The following TM9SF1 variants were observed in gnomAD, a reference collection of about 807,000 sequenced individuals.
The protein encoded by TM9SF1 is MP70 protein family member.
In TM9SF1, 25 loss-of-function variants were observed where a neutral mutation model predicts 52.4. The observed-to-expected ratio is 0.48, with a 90% confidence interval of 0.35 to 0.67. The LOEUF is 0.67. TM9SF1 is among the 30% of genes least tolerant of loss of function. The pLI is 0.01. For missense variants in TM9SF1, 604 were observed against 780.3 expected (o/e 0.77, Z 2.69); for synonymous variants, 284 against 299.8 (o/e 0.95, Z 0.55).
At chr14:24,190,687 A>G in intron 4 of TM9SF1, 34 bp from the exon 5 acceptor site, 1 of 1,570,020 alleles carries the variant, frequency 6.4e-7, no homozygotes. Flanking sequence ...GAGGGTCAAC[A>G]CTAGGAGCTA....
chr14:24,190,119 C>T, intron 5 of TM9SF1: 1 of 1,364,334 alleles, frequency 7.3e-7, no homozygotes, highest in Non-Finnish European at 9.4e-7. Context: ...GGCTTTAAAC[C>T]CCACATGATG....
intron 4 of TM9SF1, among the ~76,000 whole-genome samples, chr14:24,191,344 C>A (rs1356731220): frequency 6.6e-6 from 1 of 152,172 alleles, no homozygotes; most frequent in Non-Finnish European, 1.5e-5. Flanking sequence ...TTTCAGAAAG[C>A]CTTGGTTCAA....
Position 24,195,001 on chromosome 14 carries a change from G to T in TM9SF1, c.19C>A (p.Pro7Thr), listed in dbSNP as rs773817309. The change falls in exon 2 of 6, where the codon CCT becomes ACT. Residue 7 changes from proline to threonine, a missense_variant. Transcript: ENST00000261789. ...AACCACTGGCAGCTCCAACTTCGAG[G>T]GTTCCCTACGACTGTCATCCTTAAG... MTVVGN[P>T]RSWSCQWLPI... is the part of the protein sequence containing the mutation. 5 of 1,613,918 alleles carry T rather than the reference G, an allele frequency of 3.1e-6. No individual in the cohort carries two copies. The East Asian group carries it at 6.7e-5, about 22-fold the overall frequency.
In TM9SF1 at chr14:24,192,545, G is replaced by GC. The variant is rs2039337731; in HGVS notation, c.967+102dup. 2.1e-6 allele frequency: 3 copies of GC among 1,448,944 alleles called. No individual in the cohort carries two copies. Among genetic ancestry groups the GC allele is most frequent in the East Asian group, 2.3e-5 (1 of 43,792 alleles). The allele number at this position is 1,448,944 out of a possible 1,614,324, so 89.8% of individuals were successfully genotyped here. A position where few individuals can be genotyped will look rare whatever the true frequency, so the allele number is the denominator to read the frequency against. On this transcript the variant is annotated intron_variant, in intron 3 of 5. Coordinates refer to ENST00000261789, the MANE Select transcript of TM9SF1 (RefSeq NM_006405.7). The surrounding 1 kb of genome is among the most constrained non-coding windows in gnomAD (Gnocchi z 4.0). The stretch of plus-strand genomic sequence containing the variant: ...TAGAGCCACCCTATCCCTTAGGTCT[G>GC]CCCCTCTGGATAGAAGAGAAGATCC...
chr14:24,191,728 GT>G (rs1022582264), intron 4 of TM9SF1: 8 of 158,898 alleles, frequency 5.0e-5, no homozygotes, highest in South Asian at 5.0e-4. Flanking sequence ...ATGCATTCTT[GT>G]TTTTTTTTGG....
chr14:24,194,070 G>T (rs1338636359), intron 2 of TM9SF1, among the ~76,000 whole-genome samples: 1 of 152,178 alleles, frequency 6.6e-6, no homozygotes, highest in African/African-American at 2.4e-5. Flanking sequence ...TACCCCCCCA[G>T]CTGTAACAAC....
At position 24,189,783 on chromosome 14, in the gene TM9SF1, T is replaced by G; in HGVS notation, c.1453A>C (p.Ile485Leu). ...TCCCGACCCCATACTGTGGCAAAGA[T>G]GTAGTACAGCTCCACAGAGATGGCA... is the stretch of plus-strand genomic sequence containing the variant. ...FSAISVELYYIFATVWGREQY... is the reference protein window; with the variant it reads ...FSAISVELYYLFATVWGREQY... The change falls in exon 6 of 6, where the codon ATC (isoleucine) becomes CTC (leucine). Residue 485 changes from isoleucine to leucine, a missense_variant. Ile to Leu is a conservative substitution (Grantham distance 5, BLOSUM62 2). Transcript: ENST00000261789. 1 of 1,612,660 alleles carries G rather than the reference T, an allele frequency of 6.2e-7. No individual in the cohort carries two copies. The highest frequency in any genetic ancestry group is 2.2e-5 in the East Asian group (1 of 44,852).
Position 24,192,306 on chromosome 14 carries a change from C to T in TM9SF1, c.1018G>A (p.Ala340Thr). The T allele has an allele frequency of 6.2e-7, 1 of 1,614,120 alleles. No homozygotes were observed. The highest frequency in any genetic ancestry group is 8.5e-7 in the Non-Finnish European group (1 of 1,180,036). Residue 340 changes from alanine to threonine, a missense_variant, in exon 4 of 6, where the codon GCC becomes ACC. Physicochemically the swap from Ala to Thr is moderately conservative, Grantham distance 58. Around this residue, in one of 3 missense-constraint regions of TM9SF1, gnomAD observed 450 missense variants for 560.1 expected, o/e 0.80. Coordinates refer to ENST00000261789, the MANE Select transcript of TM9SF1 (RefSeq NM_006405.7). This position sits in a 1 kb window ranked among gnomAD's most constrained non-coding sequence, Gnocchi z 4.0. ...AACAAGATGGCTGCTGAGTTAATGG[C>T]CCCATGACGGTGCACATTGAACATG... is the stretch of plus-strand genomic sequence containing the variant. The part of the protein sequence containing the change: ...LGMFNVHRHG[A>T]INSAAILLYA...
rs2039342012 is a variant in TM9SF1 at position 24,192,791 on chromosome 14, G to A, written c.824C>T (p.Thr275Ile). 1 of 1,614,074 alleles carries A rather than the reference G, an allele frequency of 6.2e-7. No individual in the cohort carries two copies. Among genetic ancestry groups the A allele is most frequent in the African/African-American group, 1.3e-5 (1 of 75,014 alleles). The change falls in exon 3 of 6, where the codon ACC (threonine) becomes ATC (isoleucine). Residue 275 changes from threonine to isoleucine, a missense_variant. Thr to Ile is a moderately conservative substitution (Grantham distance 89). This residue lies in a region of TM9SF1 where 450 missense variants were observed against 560.1 expected (regional missense o/e 0.80). Transcript: ENST00000261789. This position sits in a 1 kb window ranked among gnomAD's most constrained non-coding sequence, Gnocchi z 4.0. Reference protein sequence around the residue: ...LARYNLDEETTSAGSGDDFDQ... With the variant: ...LARYNLDEETISAGSGDDFDQ... ...AAAGTCATCACCAGAACCTGCAGAG[G>A]TGGTCTCCTCATCTAAGTTGTACCG...
rs901658601 is a variant in TM9SF1 at position 24,190,206 on chromosome 14, T to G, written c.1427+174A>C. On this transcript the variant is annotated intron_variant, in intron 5 of 5. Transcript: ENST00000261789. ...GGAGAGCTTTATAAGTGAGACACTC[T>G]CATATCATTCAAGCTCAGTCCTGCT... 3 of 1,351,856 alleles carry G rather than the reference T, an allele frequency of 2.2e-6. No homozygotes were observed. The African/African-American group carries it at 4.5e-5, about 20-fold the overall frequency. 83.7% of individuals were successfully genotyped at this position (1,351,856 alleles called of 1,614,324 possible). A position where few individuals can be genotyped will look rare whatever the true frequency, so the allele number is the denominator to read the frequency against.
intron 1 of TM9SF1, 81 bp downstream of exon 1, chr14:24,195,265 C>T: frequency 1.9e-6 from 1 of 527,858 alleles, no homozygotes; most frequent in Non-Finnish European, 3.4e-6. Flanking sequence ...GCCTCTACTA[C>T]GCGCCCTGGC....
At chr14:24,191,975 C>T (rs370252614) in intron 4 of TM9SF1, 196 bp downstream of exon 4, 6 of 558,118 alleles carry the variant, frequency 1.1e-5, no homozygotes, top group East Asian at 3.2e-5. Flanking sequence ...AACCACCATG[C>T]CCGGCTAATT....
intron 2 of TM9SF1, among the ~76,000 whole-genome samples, chr14:24,193,991 T>C (rs957842268): frequency 2.0e-5 from 3 of 151,872 alleles, no homozygotes; most frequent in African/African-American, 7.3e-5. Flanking sequence ...TAATTCTTTG[T>C]CATAGTGGGG....
At chr14:24,195,260 T>C in intron 1 of TM9SF1, 86 bp downstream of exon 1, 2 of 534,534 alleles carry the variant, frequency 3.7e-6, no homozygotes, top group Non-Finnish European at 6.7e-6. Flanking sequence ...CCGGGGCCTC[T>C]ACTACGCGCC....
In TM9SF1 at chr14:24,189,579, A is replaced by G. The variant is rs2039285246; in HGVS notation, c.1657T>C (p.Tyr553His). 5.0e-6 allele frequency: 8 copies of G among 1,614,198 alleles called. No individual in the cohort carries two copies. The highest frequency in any genetic ancestry group is 6.8e-6 in the Non-Finnish European group (8 of 1,180,026). ...GLFIFLYSVF[Y>H]YARRSNMSGA... ...GACATGTTGGAGCGCCGGGCATAAT[A>G]GAAAACTGAGTAGAGGAAGATGAAG... is the stretch of plus-strand genomic sequence containing the variant. Residue 553 changes from tyrosine (Y) to histidine (H), a missense_variant, in exon 6 of 6, where the codon TAT becomes CAT. Tyr to His is a moderately conservative substitution (Grantham distance 83). Coordinates refer to ENST00000261789, the MANE Select transcript of TM9SF1 (RefSeq NM_006405.7).
In TM9SF1 at chr14:24,190,437, TG is replaced by T. The variant is rs1456608990; in HGVS notation, c.1369del (p.Gln457SerfsTer11). On this transcript the variant is annotated frameshift_variant, in exon 5 of 6. Transcript: ENST00000261789. LOFTEE classifies it high-confidence loss of function. ...TKNIAREIPP[Q>X]PWYKSTVIHM... Reference sequence around the variant, plus strand: ...GATGACAGTAGACTTGTACCAGGGCTGGGGTGGAATCTCCCGGGCGATGTTC... The same window carrying T: ...GATGACAGTAGACTTGTACCAGGGCTGGGTGGAATCTCCCGGGCGATGTTC... 3 of 1,612,724 alleles carry T rather than the reference TG, an allele frequency of 1.9e-6. No homozygotes were observed. The highest frequency in any genetic ancestry group is 2.5e-6 in the Non-Finnish European group (3 of 1,179,230).
chr14:24,193,350 T>G (rs2039352284), intron 2 of TM9SF1, 81 bp from the exon 3 acceptor site: 1 of 1,444,618 alleles, frequency 6.9e-7, no homozygotes, highest in African/African-American at 1.4e-5. Context: ...CCTTCAGCAC[T>G]ACTGATATTT....
intron 5 of TM9SF1, chr14:24,190,039 C>A: frequency 7.3e-7 from 1 of 1,360,740 alleles, no homozygotes; most frequent in Non-Finnish European, 9.4e-7. Flanking sequence ...GGGATCTTGT[C>A]CATTTTATTC....
Position 24,190,594 on chromosome 14 carries a change from G to C in TM9SF1, c.1213C>G (p.Gln405Glu), listed in dbSNP as rs1024761710. ...NSVHWANGST[Q>E]ALPATTILLL... ...AGGATGGTTGTGGCTGGCAGAGCCTGTGTCGAACCATTGGCCCAATGCACT... is the reference window on the plus strand; with the variant it reads ...AGGATGGTTGTGGCTGGCAGAGCCTCTGTCGAACCATTGGCCCAATGCACT... The change falls in exon 5 of 6, where the codon CAG (glutamine) becomes GAG (glutamate). Residue 405 changes from glutamine (Q) to glutamate (E), a missense_variant. By Grantham distance (29) the Gln-to-Glu change is conservative. This residue lies in a region of TM9SF1 where 450 missense variants were observed against 560.1 expected (regional missense o/e 0.80). Coordinates refer to ENST00000261789, the MANE Select transcript of TM9SF1 (RefSeq NM_006405.7). 8 of 1,614,054 alleles carry C rather than the reference G, an allele frequency of 5.0e-6. 1 individual carries two copies. Among genetic ancestry groups the C allele is most frequent in the Non-Finnish European group, 6.8e-6 (8 of 1,180,028 alleles).
Sources: gnomAD v4.1 joint callset for allele counts (sites outside exome capture counted in the v4.1 genomes callset) on GRCh38, gnomAD v4.1.1 for gene constraint, gnomAD v4.1.1 regional missense constraint, Gnocchi (gnomAD v3.1) non-coding constraint, MANE v1.5 for transcripts, NCBI Gene and HGNC (gene_info 2026-07-23, HGNC 2026-07-21) for gene names.